The following RPH3A variants were observed in gnomAD, a reference collection of about 807,000 sequenced individuals.
RPH3A encodes the protein rabphilin 3A, also known as rabphilin-3A.
Under a neutral mutation model 102.2 loss-of-function variants are expected in RPH3A, and 48 were observed. The ratio of observed to expected loss-of-function variants is 0.47; its 90% CI spans 0.37 to 0.60. The LOEUF (loss-of-function observed/expected upper bound fraction) is 0.60. Among genes scored for constraint, RPH3A ranks in the 20% least tolerant of loss-of-function variants. The pLI, the probability that RPH3A is intolerant of heterozygous loss-of-function variation, is 0.00. For synonymous variants in RPH3A, 310 were observed against 324.3 expected, an observed-to-expected ratio of 0.96 and a Z score of 0.47; for missense variants, 781 against 910.1, an observed-to-expected ratio of 0.86 and a Z score of 1.83.
Position 112,713,017 on chromosome 12 carries a change from C to T in RPH3A, c.-139-79126C>T, listed in dbSNP as rs56114702. 9.7e-3 allele frequency among the ~76,000 whole-genome samples: 587 copies of T among 60,486 alleles called. 24 individuals are homozygous for T. Among genetic ancestry groups the T allele is most frequent in the African/African-American group, 0.016 (170 of 10,514 alleles). The allele number at this position is 60,486 out of a possible 152,430, so 39.7% of individuals were successfully genotyped here. On this transcript the variant is annotated intron_variant, in intron 1 of 21. Transcript: ENST00000543106. ...TGTCTTCCTCTTCCTCTTCCTCTTC[C>T]TCTTCCTCTTCTTCTTCTTCTTCTT...
At chr12:112,619,368 C>T (rs1427110512) in intron 1 of RPH3A, among the ~76,000 whole-genome samples, 1 of 151,822 alleles carries the variant, frequency 6.6e-6, no homozygotes, top group Non-Finnish European at 1.5e-5. Context: ...CCATTGCAAC[C>T]TCTGCCTCCC....
chr12:112,587,027 G>A (rs1158886590), intron 1 of RPH3A, among the ~76,000 whole-genome samples: 1 of 152,188 alleles, frequency 6.6e-6, no homozygotes, highest in Non-Finnish European at 1.5e-5. Flanking sequence ...AAAATAAGAA[G>A]GCTATTTTCC....
Position 112,897,224 on chromosome 12 carries a change from A to G in RPH3A, c.*444A>G, listed in dbSNP as rs2043195971. 1 of 164,716 alleles carries G rather than the reference A, an allele frequency of 6.1e-6. No individual in the cohort carries two copies. Among genetic ancestry groups the G allele is most frequent in the South Asian group, 1.7e-4 (1 of 5,864 alleles). 10.2% of individuals were successfully genotyped at this position (164,716 alleles called of 1,614,324 possible). A position where few individuals can be genotyped will look rare whatever the true frequency, so the allele number is the denominator to read the frequency against. On this transcript the variant is annotated 3_prime_UTR_variant, in exon 22 of 22. Transcript: ENST00000389385. Reference sequence around the variant, plus strand: ...TCTGTATATCCCCAGTTGTCAGCAGACCCGGACAATGCTGTGAGAGAAGCA... The same window carrying G: ...TCTGTATATCCCCAGTTGTCAGCAGGCCCGGACAATGCTGTGAGAGAAGCA...
At chr12:112,666,096 G>A (rs1592933214) in intron 1 of RPH3A, among the ~76,000 whole-genome samples, 1 of 152,324 alleles carries the variant, frequency 6.6e-6, no homozygotes, top group African/African-American at 2.4e-5. Context: ...TGATGTATCA[G>A]ACAACTCCAA....
In RPH3A at chr12:112,869,901, C is replaced by G. The variant is rs768230622; in HGVS notation, c.658C>G (p.Pro220Ala). The G allele has an allele frequency of 1.9e-6, 3 of 1,614,052 alleles. No individual in the cohort carries two copies. In the East Asian group the frequency reaches 6.7e-5, roughly 36 times the overall value. The change falls in exon 10 of 22, where the codon CCA becomes GCA. Residue 220 changes from proline (P) to alanine (A), a missense_variant. Coordinates refer to ENST00000389385, the MANE Select transcript of RPH3A (RefSeq NM_001143854.2). ...CATGCTCTTCTTTCCAGGCCCTGAC[C>G]CAGCCTCTGCTCCCGGGCGAGGAAA... ...RGPGQKTGPDPASAPGRGNYG... is the reference protein window; with the variant it reads ...RGPGQKTGPDAASAPGRGNYG...
intron 1 of RPH3A, among the ~76,000 whole-genome samples, chr12:112,637,880 C>T (rs1236343736): frequency 2.6e-5 from 4 of 151,606 alleles, no homozygotes; most frequent in Non-Finnish European, 5.9e-5. Flanking sequence ...CTTGTTATCT[C>T]ATGATAAGGA....
intron 1 of RPH3A, among the ~76,000 whole-genome samples, chr12:112,714,690 T>C (rs2040502509): frequency 6.6e-6 from 1 of 151,964 alleles, no homozygotes; most frequent in Non-Finnish European, 1.5e-5. Flanking sequence ...GGCAGACTCA[T>C]AGGTTTTGTC....
At chr12:112,753,332 G>C (rs10492020) in intron 1 of RPH3A, among the ~76,000 whole-genome samples, 15,531 of 152,212 alleles carry the variant, frequency 0.1, 817 homozygotes, top group Middle Eastern at 0.13. Flanking sequence ...TTTGGAGTTT[G>C]CATTCATCAA....
intron 3 of RPH3A, chr12:112,831,841 T>C (rs1393005985): frequency 2.2e-6 from 1 of 455,932 alleles, no homozygotes; most frequent in South Asian, 1.5e-5. Flanking sequence ...CTGTAGATGG[T>C]TTTTCCTTCC....
intron 2 of RPH3A, among the ~76,000 whole-genome samples, chr12:112,823,489 A>G (rs1292605386): frequency 1.3e-5 from 2 of 152,158 alleles, no homozygotes; most frequent in African/African-American, 4.8e-5. Context: ...TCATCATCCT[A>G]TACCCGATAA....
intron 4 of RPH3A, among the ~76,000 whole-genome samples, chr12:112,841,234 G>A (rs1210552065): frequency 1.7e-5 from 2 of 121,180 alleles, no homozygotes; most frequent in Non-Finnish European, 3.5e-5. Context: ...AAGATATTTG[G>A]AACCAACAGT....
intron 1 of RPH3A, among the ~76,000 whole-genome samples, chr12:112,672,039 T>A (rs1184924849): frequency 6.8e-6 from 1 of 147,620 alleles, no homozygotes; most frequent in African/African-American, 2.5e-5. Flanking sequence ...TATATATATT[T>A]ATATATATAT....
At position 112,720,372 on chromosome 12, in the gene RPH3A, T is replaced by C. The variant is rs117585283; in HGVS notation, c.-139-71771T>C. On this transcript the variant is annotated intron_variant, in intron 1 of 21. Coordinates refer to the RPH3A transcript ENST00000543106. ...CAATACATCTTAGGCTATCAGATTG[T>C]GGCAGGCAGATGATGTTTTCCACAT... Among the ~76,000 whole-genome samples the C allele has an allele frequency of 5.9e-4, 90 of 152,388 alleles. 1 individual carries two copies. The East Asian group carries it at 0.017, about 28-fold the overall frequency.
At chr12:112,679,743 A>G (rs1227877441) in intron 1 of RPH3A, among the ~76,000 whole-genome samples, 2 of 152,154 alleles carry the variant, frequency 1.3e-5, no homozygotes, top group South Asian at 2.1e-4. Context: ...CAGACTTTTA[A>G]TGAGGCTGTG....
chr12:112,639,262 C>A (rs2135990410), intron 1 of RPH3A, among the ~76,000 whole-genome samples: 1 of 152,238 alleles, frequency 6.6e-6, no homozygotes, highest in South Asian at 2.1e-4. Context: ...GTTTGCACAG[C>A]CAGAGAGGCT....
At chr12:112,722,281 G>C (rs2040556808) in intron 1 of RPH3A, among the ~76,000 whole-genome samples, 4 of 152,164 alleles carry the variant, frequency 2.6e-5, no homozygotes, top group Admixed American at 2.6e-4. Context: ...CTTCAGAGAT[G>C]GTGTCCTGAT....
At chr12:112,606,262 A>T (rs2039595881) in intron 1 of RPH3A, among the ~76,000 whole-genome samples, 1 of 152,220 alleles carries the variant, frequency 6.6e-6, no homozygotes, top group Admixed American at 6.5e-5. Flanking sequence ...TTTACCACTT[A>T]CCAACTTTAC....
At chr12:112,633,646 A>C (rs1255377945) in intron 1 of RPH3A, among the ~76,000 whole-genome samples, 3 of 152,188 alleles carry the variant, frequency 2.0e-5, no homozygotes, top group Non-Finnish European at 2.9e-5. Flanking sequence ...CACTTTCATA[A>C]ATTTAAGAAA....
intron 1 of RPH3A, among the ~76,000 whole-genome samples, chr12:112,716,488 T>C (rs1339345865): frequency 6.6e-6 from 1 of 152,256 alleles, no homozygotes; most frequent in Non-Finnish European, 1.5e-5. Flanking sequence ...AGTCTCTAGA[T>C]ACAGGAGGAT....
Sources: gnomAD v4.1 joint callset for allele counts (sites outside exome capture counted in the v4.1 genomes callset) on GRCh38, gnomAD v4.1.1 for gene constraint, MANE v1.5 for transcripts, NCBI Gene and HGNC (gene_info 2026-07-23, HGNC 2026-07-21) for gene names.